Variants in IGSF21 observed in about 807,000 individuals in gnomAD.
The protein encoded by IGSF21 is immunoglobulin superfamily member 21.
IGSF21 carries 28 observed loss-of-function variants against 46.8 expected under a neutral mutation model. The observed-to-expected ratio is 0.60, with a 90% CI of 0.44 to 0.82. The LOEUF is 0.82. IGSF21 is among the 40% of genes least tolerant of loss of function. IGSF21 has a pLI of 0.00. For synonymous variants in IGSF21, 284 were observed against 273.6 expected (o/e 1.04, Z -0.38); for missense variants, 624 against 665.5 (o/e 0.94, Z 0.69).
intron 3 of IGSF21, among the ~76,000 whole-genome samples, chr1:18,300,330 C>T (rs1029170523): frequency 6.6e-5 from 10 of 152,208 alleles, no homozygotes; most frequent in Non-Finnish European, 1.5e-5. Flanking sequence ...ATCCCATCCA[C>T]CTGCTCGGAT....
chr1:18,131,562 T>C (rs2086321887), intron 1 of IGSF21, among the ~76,000 whole-genome samples: 1 of 152,262 alleles, frequency 6.6e-6, no homozygotes, highest in South Asian at 2.1e-4. Context: ...AATTTAATTA[T>C]ATTAGCCATG....
intron 2 of IGSF21, among the ~76,000 whole-genome samples, chr1:18,238,704 G>C (rs2124515869): frequency 6.6e-6 from 1 of 152,172 alleles, no homozygotes; most frequent in South Asian, 2.1e-4. Flanking sequence ...ACCAGTGATG[G>C]GCTCCCACAC....
At chr1:18,259,518 A>C (rs566036335) in intron 2 of IGSF21, among the ~76,000 whole-genome samples, 2 of 152,350 alleles carry the variant, frequency 1.3e-5, no homozygotes, top group South Asian at 4.1e-4. Flanking sequence ...GTTGGAAGGA[A>C]GTCCCCCTAC....
chr1:18,159,996 T>G (rs975684191), intron 1 of IGSF21, among the ~76,000 whole-genome samples: 1 of 152,178 alleles, frequency 6.6e-6, no homozygotes, highest in Non-Finnish European at 1.5e-5. Flanking sequence ...TATGTCTTTA[T>G]TAGCAACGTG....
chr1:18,370,155 C>T (rs371239547), intron 6 of IGSF21, among the ~76,000 whole-genome samples: 2 of 152,152 alleles, frequency 1.3e-5, no homozygotes, highest in Non-Finnish European at 2.9e-5. Flanking sequence ...TCAAACTGAT[C>T]GTTCTGCTTC....
intron 2 of IGSF21, among the ~76,000 whole-genome samples, chr1:18,274,067 TGTAA>T (rs1211646902): frequency 6.6e-6 from 1 of 152,176 alleles, no homozygotes; most frequent in Non-Finnish European, 1.5e-5. Context: ...AGAAAAGAAT[TGTAA>T]GTGTGTGGCA....
chr1:18,192,078 C>G (rs1478680971), intron 1 of IGSF21, among the ~76,000 whole-genome samples: 1 of 152,206 alleles, frequency 6.6e-6, no homozygotes, highest in Non-Finnish European at 1.5e-5. Context: ...AAGAGCCCAG[C>G]CTTCCCCAGC....
chr1:18,291,722 A>T (rs1236851308), intron 2 of IGSF21, 144 bp from the exon 3 acceptor site: 1 of 963,828 alleles, frequency 1.0e-6, no homozygotes, highest in Non-Finnish European at 1.5e-6. Flanking sequence ...TGCCTCCAGG[A>T]AGCCCTCGGT....
chr1:18,178,936 T>A (rs2086830783), intron 1 of IGSF21: 1 of 152,182 alleles, frequency 6.6e-6, no homozygotes, highest in African/African-American at 2.4e-5. Context: ...AAATTAGCCT[T>A]CAGAAGCCTC....
At chr1:18,377,927 C>G (rs1270902896) in intron 9 of IGSF21, among the ~76,000 whole-genome samples, 1 of 152,200 alleles carries the variant, frequency 6.6e-6, no homozygotes, top group Non-Finnish European at 1.5e-5. Context: ...AGCCTGAGCA[C>G]CACCCCAGGG....
intron 1 of IGSF21, among the ~76,000 whole-genome samples, chr1:18,139,484 G>C (rs1256291179): frequency 1.3e-5 from 2 of 152,154 alleles, no homozygotes; most frequent in African/African-American, 2.4e-5. Flanking sequence ...AGAGCTTCTT[G>C]CTCCCATTCC....
intron 4 of IGSF21, chr1:18,361,905 C>T: frequency 1.8e-6 from 1 of 568,862 alleles, no homozygotes; most frequent in Non-Finnish European, 3.2e-6. Flanking sequence ...AAACTGTAAG[C>T]TCCAGGAGGG....
At chr1:18,341,129 T>C (rs1243645230) in intron 4 of IGSF21, among the ~76,000 whole-genome samples, 2 of 149,064 alleles carry the variant, frequency 1.3e-5, no homozygotes, top group Admixed American at 6.7e-5. Flanking sequence ...CTTCTTCTTC[T>C]CTTTTTTTTT....
chr1:18,315,793 A>AATGG (rs1213876357), intron 3 of IGSF21, among the ~76,000 whole-genome samples: 3 of 145,130 alleles, frequency 2.1e-5, no homozygotes, highest in African/African-American at 7.8e-5. Context: ...GAAGTGAATG[A>AATGG]ATGGATGGAT....
intron 2 of IGSF21, among the ~76,000 whole-genome samples, chr1:18,284,238 A>G (rs1236063839): frequency 6.6e-6 from 1 of 152,188 alleles, no homozygotes; most frequent in Non-Finnish European, 1.5e-5. Flanking sequence ...CTTTCTAGGC[A>G]TACTTTCTGA....
Position 18,375,175 on chromosome 1 carries a change from GTGTT to G in IGSF21, c.1016-1128_1016-1125del, listed in dbSNP as rs201725427. 1.2e-3 allele frequency among the ~76,000 whole-genome samples: 189 copies of G among 152,338 alleles called. 5 individuals are homozygous for G. The East Asian group carries it at 0.035, about 28-fold the overall frequency. ...GTCACTCTCATCCTGTTTTGCGTAT[GTGTT>G]TGTTTGCTTATGAACTCTCACCCCT... is the stretch of plus-strand genomic sequence containing the variant. On this transcript the variant is annotated intron_variant, in intron 6 of 9. Coordinates refer to ENST00000251296, the MANE Select transcript of IGSF21 (RefSeq NM_032880.5).
intron 4 of IGSF21, among the ~76,000 whole-genome samples, chr1:18,360,790 C>A (rs905451791): frequency 6.6e-6 from 1 of 152,164 alleles, no homozygotes; most frequent in Non-Finnish European, 1.5e-5. Context: ...TTTTCATATG[C>A]ATTAGCTAGT....
chr1:18,240,358 G>T (rs1194591843), intron 2 of IGSF21, among the ~76,000 whole-genome samples: 1 of 152,216 alleles, frequency 6.6e-6, no homozygotes, highest in African/African-American at 2.4e-5. Flanking sequence ...GTAGTTAAGC[G>T]GGAGGAAACA....
At chr1:18,115,778 G>A (rs373132152) in intron 1 of IGSF21, 2 of 151,644 alleles carry the variant, frequency 1.3e-5, no homozygotes, top group African/African-American at 4.9e-5. Context: ...AGGAAGGAGG[G>A]AGGAAAGGAA....
Sources: gnomAD v4.1 joint callset for allele counts (sites outside exome capture counted in the v4.1 genomes callset) on GRCh38, gnomAD v4.1.1 for gene constraint, MANE v1.5 for transcripts, NCBI Gene and HGNC (gene_info 2026-07-23, HGNC 2026-07-21) for gene names.